Variants in ITCH observed in about 807,000 individuals in gnomAD.
ITCH encodes the protein E3 ubiquitin-protein ligase Itchy homolog.
In ITCH, 28 loss-of-function variants were observed where a neutral mutation model predicts 126.8. The observed-to-expected ratio is 0.22, with a 90% CI of 0.16 to 0.30. The LOEUF is 0.30. Ranked by LOEUF, ITCH falls within the 10% of genes least tolerant of loss-of-function variation. The probability of loss-of-function intolerance (pLI) is 1.00; values close to 1 mark genes in which losing one functional copy is unlikely to be tolerated. For missense variants in ITCH, 631 were observed against 1,032.4 expected (o/e 0.61, Z 5.33); for synonymous variants, 342 against 340.0 (o/e 1.01, Z -0.06).
Position 34,368,406 on chromosome 20 carries a change from A to G in ITCH, c.-98-988A>G, listed in dbSNP as rs147579658. Among the ~76,000 whole-genome samples, 293 of 144,712 alleles carry G rather than the reference A, an allele frequency of 2.0e-3. 1 individual carries two copies. The highest frequency in any genetic ancestry group is 7.4e-3 in the African/African-American group (281 of 38,158). 94.9% of individuals were successfully genotyped at this position (144,712 alleles called of 152,430 possible). A position where few individuals can be genotyped will look rare whatever the true frequency, so the allele number is the denominator to read the frequency against. ...ATTGGTTTCCTTTATAAGAATTAAG[A>G]CAAAAGTATGTAAGGTTTTTTTTTT... is the stretch of plus-strand genomic sequence containing the variant. On this transcript the variant is annotated intron_variant, in intron 1 of 24. Transcript: ENST00000374864.
intron 24 of ITCH, among the ~76,000 whole-genome samples, chr20:34,507,263 GTTTTTTT>G (rs776161631): frequency 0.1 from 4,023 of 39,120 alleles, 65 homozygotes; most frequent in Admixed American, 0.16. Context: ...GTTTTCTTCT[GTTTTTTT>G]TTTTTTTTTT....
At chr20:34,425,867 A>G (rs2146226567) in intron 7 of ITCH, among the ~76,000 whole-genome samples, 1 of 152,336 alleles carries the variant, frequency 6.6e-6, no homozygotes, top group African/African-American at 2.4e-5. Context: ...TCACACGTTG[A>G]GCGCCGGTCT....
chr20:34,457,492 T>G lies in ITCH; in HGVS notation c.1295+18T>G. The G allele has an allele frequency of 6.7e-7, 1 of 1,482,410 alleles. No individual in the cohort carries two copies. Among genetic ancestry groups the G allele is most frequent in the South Asian group, 1.1e-5 (1 of 87,698 alleles). The allele number at this position is 1,482,410 out of a possible 1,614,324, so 91.8% of individuals were successfully genotyped here. Reference sequence around the variant, plus strand: ...AGTCAAGGGTAAGAATAGTTACTTGTGTATATTTAATCTCTTAAAGATTAT... The same window carrying G: ...AGTCAAGGGTAAGAATAGTTACTTGGGTATATTTAATCTCTTAAAGATTAT... On this transcript the variant is annotated intron_variant, in intron 13 of 24. Transcript: ENST00000374864.
At chr20:34,438,402 G>GT (rs941368232) in intron 7 of ITCH, 72 bp from the exon 8 acceptor site, 341 of 1,526,588 alleles carry the variant, frequency 2.2e-4, no homozygotes, top group African/African-American at 1.2e-3. Context: ...TCCTCCTGCT[G>GT]TTTTTTTTCT....
At chr20:34,385,566 A>G (rs1200277531) in intron 2 of ITCH, among the ~76,000 whole-genome samples, 9 of 152,122 alleles carry the variant, frequency 5.9e-5, no homozygotes, top group Non-Finnish European at 2.9e-5. Flanking sequence ...TGTTTGTCAG[A>G]AAGCTGTTTG....
At chr20:34,373,484 C>T (rs560958342) in intron 2 of ITCH, among the ~76,000 whole-genome samples, 13 of 152,202 alleles carry the variant, frequency 8.5e-5, no homozygotes, top group African/African-American at 2.4e-4. Flanking sequence ...CCATATTGGC[C>T]AGGCTGGTCT....
intron 3 of ITCH, among the ~76,000 whole-genome samples, chr20:34,404,883 C>T (rs1268098434): frequency 1.3e-5 from 2 of 152,158 alleles, no homozygotes; most frequent in Non-Finnish European, 2.9e-5. Context: ...CCTGTAATTC[C>T]ACCACTTTGG....
chr20:34,506,003 T>C (rs2146575371), intron 24 of ITCH, among the ~76,000 whole-genome samples: 1 of 152,338 alleles, frequency 6.6e-6, no homozygotes, highest in South Asian at 2.1e-4. Flanking sequence ...TTTAAGTGTG[T>C]ACAGTTCAGT....
At chr20:34,365,132 C>G (rs1049294865) in intron 1 of ITCH, among the ~76,000 whole-genome samples, 24 of 151,548 alleles carry the variant, frequency 1.6e-4, no homozygotes, top group Admixed American at 1.4e-3. Flanking sequence ...TCCGGGGGGT[C>G]GAGGCTGCGG....
chr20:34,396,360 G>A (rs142674604), intron 3 of ITCH, among the ~76,000 whole-genome samples: 15 of 151,938 alleles, frequency 9.9e-5, no homozygotes, highest in South Asian at 4.2e-4. Context: ...CAGCTGCACC[G>A]TTTTGCATTC....
At chr20:34,408,125 C>T (rs544239942) in intron 3 of ITCH, among the ~76,000 whole-genome samples, 21 of 152,258 alleles carry the variant, frequency 1.4e-4, no homozygotes, top group African/African-American at 4.8e-4. Flanking sequence ...CTCCTGTTGC[C>T]CAAGCTGTTG....
chr20:34,472,386 A>AG (rs1258031134), intron 16 of ITCH, among the ~76,000 whole-genome samples: 1 of 132,940 alleles, frequency 7.5e-6, no homozygotes. Context: ...AAAAAAAAAA[A>AG]AAAAAAAAAA....
intron 14 of ITCH, among the ~76,000 whole-genome samples, chr20:34,465,650 A>AT (rs1176028427): frequency 1.3e-5 from 2 of 151,924 alleles, no homozygotes; most frequent in South Asian, 2.1e-4. Flanking sequence ...ATTCCTAAGT[A>AT]TTTTTTATTC....
chr20:34,443,273 A>G (rs2146297584), intron 10 of ITCH, among the ~76,000 whole-genome samples: 1 of 152,180 alleles, frequency 6.6e-6, no homozygotes, highest in South Asian at 2.1e-4. Context: ...GCACCTTGGG[A>G]GGCTGAGGTG....
At chr20:34,407,282 T>A (rs2039092674) in intron 3 of ITCH, among the ~76,000 whole-genome samples, 1 of 152,170 alleles carries the variant, frequency 6.6e-6, no homozygotes, top group Non-Finnish European at 1.5e-5. Context: ...TATTATTATT[T>A]TTGATACGTA....
intron 2 of ITCH, among the ~76,000 whole-genome samples, chr20:34,376,768 A>G (rs1021946731): frequency 4.6e-5 from 7 of 152,140 alleles, no homozygotes; most frequent in East Asian, 1.9e-4. Flanking sequence ...TTATTTGGCA[A>G]AATTGAGGTC....
chr20:34,468,407 G>A (rs533331216), intron 14 of ITCH, among the ~76,000 whole-genome samples: 66 of 152,080 alleles, frequency 4.3e-4, no homozygotes, highest in Non-Finnish European at 7.1e-4. Flanking sequence ...ATGAAATACC[G>A]TAGAACATCA....
At chr20:34,504,948 T>C (rs888046358) in intron 24 of ITCH, among the ~76,000 whole-genome samples, 8 of 152,194 alleles carry the variant, frequency 5.3e-5, no homozygotes, top group African/African-American at 1.9e-4. Flanking sequence ...GCATGTAGTG[T>C]TTAAGTAACA....
At chr20:34,507,290 G>GTTTTTTTTTTTTTTTTTTTTTTTTTTT (rs372382674) in intron 24 of ITCH, among the ~76,000 whole-genome samples, 2 of 70,006 alleles carry the variant, frequency 2.9e-5, no homozygotes, top group African/African-American at 6.1e-5. Context: ...TTTTTTTTTT[G>GTTTTTTTTTTTTTTTTTTTTTTTTTTT]GTTGTTGTTG....
Sources: gnomAD v4.1 joint callset for allele counts (sites outside exome capture counted in the v4.1 genomes callset) on GRCh38, gnomAD v4.1.1 for gene constraint, MANE v1.5 for transcripts, NCBI Gene and HGNC (gene_info 2026-07-23, HGNC 2026-07-21) for gene names.